Variants in MLLT10 observed in about 807,000 individuals in gnomAD.
MLLT10 encodes the protein protein AF-10.
Under a neutral mutation model 129.1 loss-of-function variants are expected in MLLT10, and 30 were observed. The ratio of observed to expected loss-of-function variants is 0.23; its 90% CI spans 0.17 to 0.32. The LOEUF (loss-of-function observed/expected upper bound fraction) is 0.32. Among genes scored for constraint, MLLT10 ranks in the 10% least tolerant of loss-of-function variants. The probability of loss-of-function intolerance (pLI) is 1.00; values close to 1 mark genes in which losing one functional copy is unlikely to be tolerated. For missense variants in MLLT10, 1,119 were observed against 1,268.3 expected, an observed-to-expected ratio of 0.88 and a Z score of 1.79; for synonymous variants, 490 against 446.4, an observed-to-expected ratio of 1.10 and a Z score of -1.23.
chr10:21,620,170 C>T (rs1281539894), intron 8 of MLLT10, among the ~76,000 whole-genome samples: 1 of 152,096 alleles, frequency 6.6e-6, no homozygotes, highest in African/African-American at 2.4e-5. Context: ...CCTCGTGATC[C>T]ACCTGCCTCG....
chr10:21,534,482 T>C lies in MLLT10; in HGVS notation c.-39T>C. The C allele has an allele frequency of 1.5e-6, 1 of 659,118 alleles. No individual in the cohort carries two copies. The highest frequency in any genetic ancestry group is 2.5e-6 in the Non-Finnish European group (1 of 403,754). 40.8% of individuals were successfully genotyped at this position (659,118 alleles called of 1,614,324 possible). ...AATCAGCAAGGACATGGCTCCTGAC[T>C]CCTGTGCGGAACGTGAGTGACTGAG... On this transcript the variant is annotated 5_prime_UTR_variant, in exon 1 of 23. Transcript: ENST00000307729.
chr10:21,672,887 A>G (rs924840076), intron 10 of MLLT10, among the ~76,000 whole-genome samples: 4 of 152,172 alleles, frequency 2.6e-5, no homozygotes, highest in East Asian at 1.9e-4. Flanking sequence ...AACATTTTCA[A>G]TCATACCTTC....
intron 8 of MLLT10, among the ~76,000 whole-genome samples, chr10:21,628,515 C>A (rs2046687004): frequency 1.4e-5 from 2 of 145,206 alleles, no homozygotes; most frequent in Non-Finnish European, 3.0e-5. Context: ...GGCTCAGACT[C>A]ACTACAATCT....
At chr10:21,537,496 C>G (rs1341279294) in intron 2 of MLLT10, among the ~76,000 whole-genome samples, 2 of 151,976 alleles carry the variant, frequency 1.3e-5, no homozygotes, top group African/African-American at 4.8e-5. Context: ...TGGAGTTTTG[C>G]TCTTCTTGTC....
At chr10:21,635,392 A>G (rs888340508) in intron 8 of MLLT10, among the ~76,000 whole-genome samples, 1 of 151,784 alleles carries the variant, frequency 6.6e-6, no homozygotes, top group African/African-American at 2.4e-5. Context: ...TTTTTTTGAG[A>G]CAGAGTTTCA....
At position 21,742,144 on chromosome 10, in the gene MLLT10, G is replaced by C; in HGVS notation, c.*161G>C. On this transcript the variant is annotated 3_prime_UTR_variant, in exon 23 of 23. Coordinates refer to ENST00000307729, the MANE Select transcript of MLLT10 (RefSeq NM_001195626.3). ...GGACATTCTTGTAAGGCTTTGATTAGTTTTCTTGTTGCTTTGTTGCACTGA... is the reference window on the plus strand; with the variant it reads ...GGACATTCTTGTAAGGCTTTGATTACTTTTCTTGTTGCTTTGTTGCACTGA... 1.6e-6 allele frequency: 1 copy of C among 618,186 alleles called. No homozygotes were observed. The highest frequency in any genetic ancestry group is 2.8e-5 in the South Asian group (1 of 36,348). 38.3% of individuals were successfully genotyped at this position (618,186 alleles called of 1,614,324 possible).
At chr10:21,616,381 T>C (rs776562200) in intron 7 of MLLT10, among the ~76,000 whole-genome samples, 9 of 152,102 alleles carry the variant, frequency 5.9e-5, no homozygotes, top group Non-Finnish European at 1.2e-4. Context: ...AATCTTTACA[T>C]TTGCATGGAA....
At chr10:21,648,153 G>T (rs2048680921) in intron 8 of MLLT10, among the ~76,000 whole-genome samples, 1 of 151,868 alleles carries the variant, frequency 6.6e-6, no homozygotes, top group South Asian at 2.1e-4. Flanking sequence ...CTTTTCCTGG[G>T]TTTTCCCTTT....
At position 21,726,358 on chromosome 10, in the gene MLLT10, A is replaced by T; in HGVS notation, c.1990+3A>T. 6.3e-7 allele frequency: 1 copy of T among 1,587,756 alleles called. No homozygotes were observed. The highest frequency in any genetic ancestry group is 8.6e-7 in the Non-Finnish European group (1 of 1,157,978). ...TCAGTCTGAAAACAATCAAACAGGT[A>T]AGTTTTCAAGAATTACTAACTCTAA... On this transcript the variant is annotated splice_donor_region_variant and intron_variant, in intron 15 of 22. Coordinates refer to ENST00000307729, the MANE Select transcript of MLLT10 (RefSeq NM_001195626.3).
chr10:21,727,837 T>G lies in MLLT10; in HGVS notation c.1991-19T>G. ...CTAGTGAGAGTCACTTTATCAGCTC[T>G]GAAATATTTACACTACAGATCAAGA... On this transcript the variant is annotated intron_variant, in intron 15 of 22. Transcript: ENST00000307729. 1 of 1,607,624 alleles carries G rather than the reference T, an allele frequency of 6.2e-7. No individual in the cohort carries two copies. The highest frequency in any genetic ancestry group is 1.1e-5 in the South Asian group (1 of 90,690).
intron 9 of MLLT10, among the ~76,000 whole-genome samples, chr10:21,653,504 T>C (rs1211071748): frequency 6.6e-6 from 1 of 152,210 alleles, no homozygotes; most frequent in Non-Finnish European, 1.5e-5. Context: ...TTTTTGCATC[T>C]CTTTTGCTTT....
At position 21,534,316 on chromosome 10, in the gene MLLT10, C is replaced by CCA. The variant is rs1204472481; in HGVS notation, c.-204_-203insAC. 1 of 394,418 alleles carries CCA rather than the reference C, an allele frequency of 2.5e-6. No homozygotes were observed. 24.4% of individuals were successfully genotyped at this position (394,418 alleles called of 1,614,324 possible). A position where few individuals can be genotyped will look rare whatever the true frequency, so the allele number is the denominator to read the frequency against. ...CCTGGCCCAGCGGGAGCCCCCCCTCCCCCCAGTGCGCCTGTGCGGAGGCCC... is the reference window on the plus strand; with the variant it reads ...CCTGGCCCAGCGGGAGCCCCCCCTCCCACCCCAGTGCGCCTGTGCGGAGGCCC... On this transcript the variant is annotated 5_prime_UTR_variant, in exon 1 of 23. Coordinates refer to ENST00000307729, the MANE Select transcript of MLLT10 (RefSeq NM_001195626.3).
intron 13 of MLLT10, among the ~76,000 whole-genome samples, chr10:21,703,519 G>A (rs1316404083): frequency 3.3e-5 from 5 of 152,032 alleles, no homozygotes; most frequent in Non-Finnish European, 7.4e-5. Flanking sequence ...TCCTCTATCT[G>A]GATGTCTGTA....
chr10:21,603,916 T>C (rs2043810648), intron 5 of MLLT10, among the ~76,000 whole-genome samples: 1 of 152,112 alleles, frequency 6.6e-6, no homozygotes, highest in African/African-American at 2.4e-5. Flanking sequence ...TATCTTCTTA[T>C]TAGGAGACCA....
At chr10:21,570,251 T>G (rs1294714922) in intron 3 of MLLT10, among the ~76,000 whole-genome samples, 2 of 150,760 alleles carry the variant, frequency 1.3e-5, no homozygotes, top group African/African-American at 4.9e-5. Flanking sequence ...CGTGTGTGTG[T>G]GTTTAGAGAT....
chr10:21,715,016 C>A (rs1264365333), intron 14 of MLLT10, among the ~76,000 whole-genome samples: 5 of 151,842 alleles, frequency 3.3e-5, no homozygotes. Flanking sequence ...TTTCATTTCT[C>A]CAAAGCTCTA....
chr10:21,700,184 T>A (rs2131467889), intron 13 of MLLT10, among the ~76,000 whole-genome samples: 1 of 152,154 alleles, frequency 6.6e-6, no homozygotes, highest in Admixed American at 6.5e-5. Context: ...TCATTATTGA[T>A]ATATAGAAAC....
At chr10:21,565,019 A>G (rs1361009679) in intron 3 of MLLT10, among the ~76,000 whole-genome samples, 2 of 152,044 alleles carry the variant, frequency 1.3e-5, no homozygotes. Flanking sequence ...ACTCTGTTCC[A>G]TCAGCTTTTC....
intron 3 of MLLT10, among the ~76,000 whole-genome samples, chr10:21,583,306 A>T (rs2041660829): frequency 6.6e-6 from 1 of 152,178 alleles, no homozygotes; most frequent in Admixed American, 6.5e-5. Flanking sequence ...TTGGACAATG[A>T]GTAAGATTGC....
Sources: allele counts gnomAD v4.1 joint callset (sites outside exome capture counted in the v4.1 genomes callset), GRCh38; gene constraint gnomAD v4.1.1; transcripts MANE v1.5; gene names NCBI Gene and HGNC (gene_info 2026-07-23, HGNC 2026-07-21).